KCNAB1: variants seen among roughly 807,000 people sequenced by gnomAD.
KCNAB1 encodes voltage-gated potassium channel subunit beta-1.
Under a neutral mutation model 64.6 loss-of-function variants are expected in KCNAB1, and 35 were observed. That is an observed-to-expected ratio of 0.54 (90% CI 0.41 to 0.72). The LOEUF is 0.72. Among genes scored for constraint, KCNAB1 ranks in the 30% least tolerant of loss-of-function variants. The pLI is 0.00. For missense variants in KCNAB1, 401 were observed against 512.9 expected, an observed-to-expected ratio of 0.78 and a Z score of 2.11; for synonymous variants, 177 against 183.8, an observed-to-expected ratio of 0.96 and a Z score of 0.30.
intron 1 of KCNAB1, among the ~76,000 whole-genome samples, chr3:156,135,295 C>T (rs1396982239): frequency 6.6e-6 from 1 of 152,140 alleles, no homozygotes; most frequent in Non-Finnish European, 1.5e-5. Context: ...CTGCACCCAG[C>T]CTGGTTTAGC....
At chr3:156,299,169 T>A (rs1451489263) in intron 1 of KCNAB1, among the ~76,000 whole-genome samples, 1 of 152,232 alleles carries the variant, frequency 6.6e-6, no homozygotes, top group Non-Finnish European at 1.5e-5. Flanking sequence ...CGCTTCCACA[T>A]TGCAGCTTCT....
intron 1 of KCNAB1, among the ~76,000 whole-genome samples, chr3:156,188,397 A>G (rs1713339941): frequency 1.3e-5 from 2 of 152,170 alleles, no homozygotes; most frequent in South Asian, 2.1e-4. Context: ...ATTATACTAT[A>G]TATTGTTCTA....
Position 156,508,776 on chromosome 3 carries a change from A to G in KCNAB1, c.659-5588A>G, listed in dbSNP as rs2108380675. The stretch of plus-strand genomic sequence containing the variant: ...GAAACAAAGTGGACCTGCAGCATTT[A>G]TAGGGAGCCACCTGTGTGCTAGGGA... On this transcript the variant is annotated intron_variant, in intron 8 of 13. Transcript: ENST00000490337. The surrounding 1 kb of genome is among the most constrained non-coding windows in gnomAD (Gnocchi z 4.1). 6.6e-6 allele frequency among the ~76,000 whole-genome samples: 1 copy of G among 152,326 alleles called. No individual in the cohort carries two copies. Among genetic ancestry groups the G allele is most frequent in the South Asian group, 2.1e-4 (1 of 4,828 alleles).
At chr3:156,169,639 G>A (rs1206013338) in intron 1 of KCNAB1, among the ~76,000 whole-genome samples, 2 of 152,198 alleles carry the variant, frequency 1.3e-5, no homozygotes, top group Non-Finnish European at 2.9e-5. Flanking sequence ...GATCATAGGA[G>A]TGGTTTCTAA....
chr3:156,469,653 A>C (rs1164694586), intron 7 of KCNAB1, among the ~76,000 whole-genome samples: 2 of 152,212 alleles, frequency 1.3e-5, no homozygotes, highest in Non-Finnish European at 2.9e-5. Context: ...ACCCAGATTC[A>C]AACTTTAACA....
At chr3:156,263,551 A>C (rs1718542014) in intron 1 of KCNAB1, among the ~76,000 whole-genome samples, 1 of 152,054 alleles carries the variant, frequency 6.6e-6, no homozygotes, top group Non-Finnish European at 1.5e-5. Context: ...CATATGGTCC[A>C]TCTTGGAGAA....
At chr3:156,283,493 C>T (rs1054700951) in intron 1 of KCNAB1, among the ~76,000 whole-genome samples, 7 of 149,192 alleles carry the variant, frequency 4.7e-5, no homozygotes, top group African/African-American at 1.7e-4. Context: ...TCTGTATTTC[C>T]TGAATCTGAA....
intron 3 of KCNAB1, among the ~76,000 whole-genome samples, chr3:156,453,422 T>C (rs1397925541): frequency 6.6e-6 from 1 of 152,170 alleles, no homozygotes; most frequent in Non-Finnish European, 1.5e-5. Flanking sequence ...CCTCAGTCCA[T>C]CCTATATAAA....
At chr3:156,395,912 G>A (rs958442388) in intron 1 of KCNAB1, among the ~76,000 whole-genome samples, 1 of 152,190 alleles carries the variant, frequency 6.6e-6, no homozygotes, top group Non-Finnish European at 1.5e-5. Flanking sequence ...CGTTGTTACC[G>A]TGTGTAGAAA....
intron 2 of KCNAB1, among the ~76,000 whole-genome samples, chr3:156,429,240 C>CCAGA: frequency 6.6e-6 from 1 of 152,340 alleles, no homozygotes; most frequent in South Asian, 2.1e-4. Context: ...AATGTGTGAA[C>CCAGA]TGATATCTAG....
At chr3:156,361,526 C>T (rs2108107814) in intron 1 of KCNAB1, among the ~76,000 whole-genome samples, 1 of 152,300 alleles carries the variant, frequency 6.6e-6, no homozygotes, top group East Asian at 1.9e-4. Flanking sequence ...GTCAGCCACT[C>T]CCCACTATCA....
chr3:156,310,792 G>A (rs368487422), intron 1 of KCNAB1, among the ~76,000 whole-genome samples: 7 of 152,040 alleles, frequency 4.6e-5, no homozygotes, highest in East Asian at 3.9e-4. Context: ...TGACAGAGCG[G>A]GACTCCTCTG....
At chr3:156,501,080 A>T (rs1716368078) in intron 8 of KCNAB1, among the ~76,000 whole-genome samples, 1 of 152,212 alleles carries the variant, frequency 6.6e-6, no homozygotes, top group Admixed American at 6.5e-5. Context: ...GATTTCTAAA[A>T]TATAATTACC....
chr3:156,291,190 C>T (rs1276232202), intron 1 of KCNAB1: 1 of 985,648 alleles, frequency 1.0e-6, no homozygotes, highest in Non-Finnish European at 1.2e-6. Flanking sequence ...TTAAAGGGAC[C>T]TGCCTGCTCC....
At chr3:156,278,756 G>C (rs62286216) in intron 1 of KCNAB1, among the ~76,000 whole-genome samples, 12,299 of 151,884 alleles carry the variant, frequency 0.081, 865 homozygotes, top group South Asian at 0.25. Flanking sequence ...ATCAAAACTC[G>C]CAGAGTCGGT....
chr3:156,418,944 T>C (rs1715278608), intron 1 of KCNAB1, among the ~76,000 whole-genome samples: 1 of 152,318 alleles, frequency 6.6e-6, no homozygotes, highest in Non-Finnish European at 1.5e-5. Flanking sequence ...TTCTTACATT[T>C]TAAAATCTTG....
chr3:156,176,966 T>G, intron 1 of KCNAB1: 1 of 684,852 alleles, frequency 1.5e-6, no homozygotes, highest in South Asian at 1.8e-5. Context: ...TCCATTTTTG[T>G]GCCACTTCCT....
At chr3:156,142,598 C>T (rs531375760) in intron 1 of KCNAB1, among the ~76,000 whole-genome samples, 1 of 152,116 alleles carries the variant, frequency 6.6e-6, no homozygotes. Flanking sequence ...TTGTGTGAAC[C>T]CTTTGCCTTT....
chr3:156,239,636 C>T (rs543319813), intron 1 of KCNAB1, among the ~76,000 whole-genome samples: 7 of 152,250 alleles, frequency 4.6e-5, no homozygotes, highest in South Asian at 4.1e-4. Context: ...CCTTGGAGAG[C>T]CGACACTCAC....
Sources: gnomAD v4.1 joint callset for allele counts (sites outside exome capture counted in the v4.1 genomes callset) on GRCh38, gnomAD v4.1.1 for gene constraint, Gnocchi (gnomAD v3.1) non-coding constraint, MANE v1.5 for transcripts, NCBI Gene and HGNC (gene_info 2026-07-23, HGNC 2026-07-21) for gene names.